The following LMBR1 variants were observed in gnomAD, a reference collection of about 807,000 sequenced individuals.
LMBR1 encodes limb development membrane protein 1.
LMBR1 carries 52 observed loss-of-function variants against 73.9 expected under a neutral mutation model. That is an observed-to-expected ratio of 0.70 (90% confidence interval 0.56 to 0.89). The LOEUF is 0.89. Ranked by LOEUF, LMBR1 falls within the 40% of genes least tolerant of loss-of-function variation. The probability of loss-of-function intolerance (pLI) is 0.00; values close to 1 mark genes in which losing one functional copy is unlikely to be tolerated. For synonymous variants in LMBR1, 215 were observed against 209.4 expected (o/e 1.03, Z -0.23); for missense variants, 539 against 579.8 (o/e 0.93, Z 0.72).
In LMBR1 at chr7:156,756,447, C is replaced by T; in HGVS notation, c.703G>A (p.Glu235Lys). 6.7e-7 allele frequency: 1 copy of T among 1,489,474 alleles called. No homozygotes were observed. The highest frequency in any genetic ancestry group is 9.3e-7 in the Non-Finnish European group (1 of 1,079,750). The allele number at this position is 1,489,474 out of a possible 1,614,324, so 92.3% of individuals were successfully genotyped here. The change falls in exon 9 of 17, where the codon GAA becomes AAA. Residue 235 changes from glutamate (E) to lysine (K), a missense_variant. By Grantham distance (56) the Glu-to-Lys change is moderately conservative (BLOSUM62 1). Around this residue, in one of 3 missense-constraint regions of LMBR1, gnomAD observed 454 missense variants for 473.4 expected, o/e 0.96. Coordinates refer to ENST00000353442, the MANE Select transcript of LMBR1 (RefSeq NM_022458.4). Reference protein sequence around the residue: ...VKPTILEDLDEQIYIITLEEE... With the variant: ...VKPTILEDLDKQIYIITLEEE... ...TCTAAGGTAATGATATAAATTTGTT[C>T]ATCCAGGTCTTCAAGAATCTAAATT...
intron 1 of LMBR1, among the ~76,000 whole-genome samples, chr7:156,891,816 C>G (rs1006694067): frequency 2.0e-5 from 3 of 152,308 alleles, no homozygotes; most frequent in African/African-American, 7.2e-5. Context: ...CCAAATTCCA[C>G]TAACTCAAAT....
intron 4 of LMBR1, among the ~76,000 whole-genome samples, chr7:156,801,124 G>C (rs1830880166): frequency 1.3e-5 from 2 of 152,192 alleles, no homozygotes; most frequent in Admixed American, 1.3e-4. Context: ...AATTTTGAAA[G>C]AACTTCTACT....
At chr7:156,723,635 T>C (rs907575673) in intron 15 of LMBR1, among the ~76,000 whole-genome samples, 21 of 152,128 alleles carry the variant, frequency 1.4e-4, no homozygotes, top group African/African-American at 4.8e-4. Flanking sequence ...GTAGGAACTC[T>C]CAAGGGTGTC....
At chr7:156,848,427 T>G (rs980470899) in intron 1 of LMBR1, among the ~76,000 whole-genome samples, 1 of 152,118 alleles carries the variant, frequency 6.6e-6, no homozygotes, top group African/African-American at 2.4e-5. Flanking sequence ...AACAAGCATA[T>G]GAAAAAATGC....
At chr7:156,690,987 G>A (rs1807053918) in intron 15 of LMBR1, among the ~76,000 whole-genome samples, 2 of 152,024 alleles carry the variant, frequency 1.3e-5, no homozygotes, top group Non-Finnish European at 2.9e-5. Context: ...GCAATACTCA[G>A]ACAAAGCTTT....
At chr7:156,700,721 T>C (rs1809492435) in intron 15 of LMBR1, among the ~76,000 whole-genome samples, 1 of 152,188 alleles carries the variant, frequency 6.6e-6, no homozygotes, top group African/African-American at 2.4e-5. Context: ...TTTCTTCTTC[T>C]GAGCCCTCCA....
At chr7:156,767,720 T>A (rs765508110) in intron 5 of LMBR1, among the ~76,000 whole-genome samples, 1 of 151,682 alleles carries the variant, frequency 6.6e-6, no homozygotes, top group Non-Finnish European at 1.5e-5. Context: ...AAAATCAAGT[T>A]TAGCAAAATA....
In LMBR1 at chr7:156,681,857, T is replaced by C. The variant is rs1165131477; in HGVS notation, c.*2221A>G. On this transcript the variant is annotated 3_prime_UTR_variant, in exon 17 of 17. Coordinates refer to ENST00000353442, the MANE Select transcript of LMBR1 (RefSeq NM_022458.4). ...GACTCAGAACGTTTGGCCTCCGTAT[T>C]CTGGCATCCATTTCTGGAGTTCGTC... 2 of 152,304 alleles carry C rather than the reference T, an allele frequency of 1.3e-5. No individual in the cohort carries two copies. The highest frequency in any genetic ancestry group is 2.9e-5 in the Non-Finnish European group (2 of 68,102). 9.4% of individuals were successfully genotyped at this position (152,304 alleles called of 1,614,324 possible). A position where few individuals can be genotyped will look rare whatever the true frequency, so the allele number is the denominator to read the frequency against.
intron 1 of LMBR1, among the ~76,000 whole-genome samples, chr7:156,883,495 T>C (rs1801410646): frequency 6.6e-6 from 1 of 152,108 alleles, no homozygotes. Flanking sequence ...TACACAACTA[T>C]GGAGTGGTAA....
chr7:156,876,125 G>T (rs1160140618), intron 1 of LMBR1, among the ~76,000 whole-genome samples: 1 of 152,096 alleles, frequency 6.6e-6, no homozygotes, highest in Non-Finnish European at 1.5e-5. Context: ...GGTGGAAAAA[G>T]ACATTCCATG....
intron 4 of LMBR1, among the ~76,000 whole-genome samples, chr7:156,817,840 C>T (rs1834165573): frequency 1.3e-5 from 2 of 152,076 alleles, no homozygotes; most frequent in African/African-American, 4.8e-5. Context: ...GGCATTGGAT[C>T]GTAAATATGG....
At chr7:156,733,324 A>G (rs946615047) in intron 10 of LMBR1, among the ~76,000 whole-genome samples, 4 of 152,236 alleles carry the variant, frequency 2.6e-5, no homozygotes, top group Admixed American at 1.3e-4. Flanking sequence ...CAATCAAAAC[A>G]TATCAAGAAC....
chr7:156,802,149 A>AT (rs1831116192), intron 4 of LMBR1, among the ~76,000 whole-genome samples: 1 of 152,134 alleles, frequency 6.6e-6, no homozygotes, highest in Admixed American at 6.5e-5. Context: ...CGCCAGGCTA[A>AT]TTTTTGTATT....
intron 9 of LMBR1, among the ~76,000 whole-genome samples, chr7:156,748,414 T>C (rs1235438677): frequency 6.6e-6 from 1 of 152,222 alleles, no homozygotes; most frequent in Non-Finnish European, 1.5e-5. Flanking sequence ...CTATTGGGAA[T>C]ACCATCACCT....
chr7:156,811,588 G>A (rs1456052722), intron 4 of LMBR1, among the ~76,000 whole-genome samples: 3 of 150,572 alleles, frequency 2.0e-5, no homozygotes, highest in African/African-American at 7.4e-5. Context: ...CAGCCTGGGC[G>A]ACAGAGTCAG....
Position 156,763,163 on chromosome 7 carries a change from G to A in LMBR1, c.564C>T (p.Phe188=). 7.4e-7 allele frequency: 1 copy of A among 1,357,546 alleles called. No individual in the cohort carries two copies. Among genetic ancestry groups the A allele is most frequent in the South Asian group, 1.3e-5 (1 of 76,922 alleles). The allele number at this position is 1,357,546 out of a possible 1,614,324, so 84.1% of individuals were successfully genotyped here. A position where few individuals can be genotyped will look rare whatever the true frequency, so the allele number is the denominator to read the frequency against. ...SMESLYDLWE[F]YLPYLYSCIS... ...TACAGGAATATAAATAGGGTAGATA[G>A]AACTCCCAGAGATCTATTAAAAAAA... The change falls in exon 7 of 17, where the codon TTC becomes TTT. Residue 188 remains phenylalanine, a synonymous_variant. Coordinates refer to ENST00000353442, the MANE Select transcript of LMBR1 (RefSeq NM_022458.4).
At position 156,669,389 on chromosome 7, in the gene LMBR1, G is replaced by C. The variant is rs1801958611; in HGVS notation, n.867-102C>G. 6.6e-6 allele frequency: 1 copy of C among 152,192 alleles called. No individual in the cohort carries two copies. The highest frequency in any genetic ancestry group is 1.5e-5 in the Non-Finnish European group (1 of 68,056). 9.4% of individuals were successfully genotyped at this position (152,192 alleles called of 1,614,324 possible). On this transcript the variant is annotated intron_variant and non_coding_transcript_variant, in intron 4 of 4. Transcript: ENST00000430825. This position sits in a 1 kb window ranked among gnomAD's most constrained non-coding sequence, Gnocchi z 4.2. The stretch of plus-strand genomic sequence containing the variant: ...GAAGGGGAGAGAGAGTGAAGTGAGG[G>C]GTGAGATGTTTGAAATAAGGTGGAA...
chr7:156,768,060 A>G (rs1824449234), intron 5 of LMBR1, among the ~76,000 whole-genome samples: 1 of 152,162 alleles, frequency 6.6e-6, no homozygotes, highest in Admixed American at 6.5e-5. Flanking sequence ...ATAGCGCTTC[A>G]TTGTTATTAT....
intron 5 of LMBR1, among the ~76,000 whole-genome samples, chr7:156,768,254 G>T (rs933596299): frequency 6.6e-6 from 1 of 152,012 alleles, no homozygotes; most frequent in Non-Finnish European, 1.5e-5. Context: ...CTACTTGGGA[G>T]GCTGAGGCAG....
Sources: allele counts gnomAD v4.1 joint callset (sites outside exome capture counted in the v4.1 genomes callset), GRCh38; gene constraint gnomAD v4.1.1; regional missense constraint gnomAD v4.1.1; non-coding constraint Gnocchi (gnomAD v3.1); transcripts MANE v1.5; gene names NCBI Gene and HGNC (gene_info 2026-07-23, HGNC 2026-07-21).